The following TTN variants were observed in gnomAD, a reference collection of about 807,000 sequenced individuals.
TTN encodes connectin.
A neutral mutation model predicts 3,223.0 loss-of-function variants in TTN; 1,525 were observed. That is an observed-to-expected ratio of 0.47 (90% CI 0.45 to 0.49). The LOEUF (loss-of-function observed/expected upper bound fraction) is 0.49. Among genes scored for constraint, TTN ranks in the 20% least tolerant of loss-of-function variants. The probability of loss-of-function intolerance (pLI) is 0.00; values close to 1 mark genes in which losing one functional copy is unlikely to be tolerated. For missense variants in TTN, 40,786 were observed against 43,424.0 expected, an observed-to-expected ratio of 0.94 and a Z score of 5.40; for synonymous variants, 14,094 against 15,161.0, an observed-to-expected ratio of 0.93 and a Z score of 5.17.
intron 50 of TTN, 137 bp downstream of exon 50, chr2:178,735,374 C>A (rs2081271611): frequency 1.1e-6 from 1 of 910,456 alleles, no homozygotes. Context: ...AATGCCAGGA[C>A]TTTCCCAAAC....
rs773190186 is a variant in TTN at position 178,730,711 on chromosome 2, A to G, written c.17822T>C (p.Ile5941Thr). 10 of 1,613,522 alleles carry G rather than the reference A, an allele frequency of 6.2e-6. No individual in the cohort carries two copies. Among genetic ancestry groups the G allele is most frequent in the Admixed American group, 5.0e-5 (3 of 59,972 alleles). Residue 5941 changes from isoleucine (I) to threonine (T), a missense_variant, in exon 61 of 363, where the codon ATA (isoleucine) becomes ACA (threonine). By Grantham distance (89) the Ile-to-Thr change is moderately conservative. Transcript: ENST00000589042. Reference sequence around the variant, plus strand: ...GCTTATGGGATGTGACCCAGCCACTATACATTCTAAATCAATGAAAGAACC... The same window carrying G: ...GCTTATGGGATGTGACCCAGCCACTGTACATTCTAAATCAATGAAAGAACC... ...IKGSFIDLECIVAGSHPISIQ... is the reference protein window; with the variant it reads ...IKGSFIDLECTVAGSHPISIQ...
intron 127 of TTN, 123 bp downstream of exon 127, chr2:178,687,988 G>C: frequency 1.4e-6 from 1 of 694,160 alleles, no homozygotes; most frequent in East Asian, 2.6e-5. Context: ...TAATGAGACT[G>C]GTAGATGTTC....
rs377577258 is a variant in TTN at position 178,785,845 on chromosome 2, C to T, written c.2370+3G>A. 1 of 1,613,994 alleles carries T rather than the reference C, an allele frequency of 6.2e-7. No homozygotes were observed. The highest frequency in any genetic ancestry group is 8.5e-7 in the Non-Finnish European group (1 of 1,180,008). On this transcript the variant is annotated splice_donor_region_variant and intron_variant, in intron 14 of 362. Transcript: ENST00000589042. The stretch of plus-strand genomic sequence containing the variant: ...GGTGAAAAATCAGCAGGTATAGACT[C>T]ACCTGTGATGATATGTGCATTCCCT...
At chr2:178,692,682 GAAT>G in intron 119 of TTN, 102 bp from the exon 120 acceptor site, 1 of 811,496 alleles carries the variant, frequency 1.2e-6, no homozygotes, top group Middle Eastern at 2.4e-4. Flanking sequence ...TATACCAACT[GAAT>G]GCAAGAAAAT....
Position 178,650,850 on chromosome 2 carries a change from T to A in TTN, c.39626-16A>T. 6.3e-7 allele frequency: 1 copy of A among 1,584,058 alleles called. No homozygotes were observed. The highest frequency in any genetic ancestry group is 2.3e-5 in the East Asian group (1 of 43,548). ...ACTTCTGGCACTTTAAAGATATTAA[T>A]TCATTTTTCTTATGAGTAGTTGAGA... is the stretch of plus-strand genomic sequence containing the variant. On this transcript the variant is annotated splice_polypyrimidine_tract_variant and intron_variant, in intron 208 of 362. Coordinates refer to ENST00000589042, the MANE Select transcript of TTN (RefSeq NM_001267550.2).
rs2061020721 is a variant in TTN, at chr2:178,640,028, T to C, written c.40786+20A>G. On this transcript the variant is annotated intron_variant, in intron 222 of 362. Coordinates refer to ENST00000589042, the MANE Select transcript of TTN (RefSeq NM_001267550.2). The stretch of plus-strand genomic sequence containing the variant: ...ATACAGAAAGAATATGCTGTTGACA[T>C]TGAGGATAAGCTTGCTCACCTGCTT... 2.5e-6 allele frequency: 4 copies of C among 1,611,314 alleles called. No homozygotes were observed. The highest frequency in any genetic ancestry group is 4.5e-5 in the East Asian group (2 of 44,788).
intron 219 of TTN, 96 bp downstream of exon 219, chr2:178,642,141 T>A: frequency 1.9e-6 from 2 of 1,054,640 alleles, no homozygotes; most frequent in Non-Finnish European, 2.6e-6. Flanking sequence ...AGCGAACCAA[T>A]TCAAAGAAAA....
In TTN at chr2:178,736,052, G is replaced by A; in HGVS notation, c.14394C>T (p.Leu4798=). 6.3e-7 allele frequency: 1 copy of A among 1,592,608 alleles called. No homozygotes were observed. Among genetic ancestry groups the A allele is most frequent in the Non-Finnish European group, 8.6e-7 (1 of 1,169,160 alleles). Residue 4798 remains leucine (L), a synonymous_variant, in exon 50 of 363, where the codon CTC becomes CTT. Coordinates refer to ENST00000589042, the MANE Select transcript of TTN (RefSeq NM_001267550.2). ...AAGTTGTAAGGGACTTAGGTCTGGA[G>A]AGAAAGGTTGGTGGATATGCCTCTG... ...TVTEAYPPTF[L]SRPKSLTTFV... is the part of the protein sequence containing the mutation.
intron 46 of TTN, chr2:178,753,476 A>G (rs1426850154): frequency 4.1e-6 from 1 of 243,572 alleles, no homozygotes; most frequent in Admixed American, 5.3e-5. Flanking sequence ...AAACCGAAGG[A>G]ATATTATTTT....
intron 127 of TTN, among the ~76,000 whole-genome samples, chr2:178,686,380 A>G (rs1485670945): frequency 1.3e-5 from 2 of 151,566 alleles, no homozygotes; most frequent in East Asian, 1.9e-4. Flanking sequence ...TCGGCCTCCC[A>G]AAGTGCTGGG....
intron 112 of TTN, among the ~76,000 whole-genome samples, chr2:178,698,245 G>T (rs1378562388): frequency 2.0e-5 from 3 of 149,514 alleles, no homozygotes; most frequent in Non-Finnish European, 2.9e-5. Flanking sequence ...GAGGGAATGG[G>T]GAAATGTTGG....
chr2:178,539,094 G>A lies in TTN; in HGVS notation c.98841C>T (p.His32947=). The change falls in exon 353 of 363, where the codon CAC becomes CAT. Residue 32947 remains histidine (H), a synonymous_variant. Transcript: ENST00000589042. ...TTGTGGTGGTGATCTGAGTCTTGTT[G>A]TGTCTGACCCACTTGTCAGTGGATG... ...KETSTDKWVR[H]NKTQITTTMY... is the part of the protein sequence containing the mutation. 1.2e-6 allele frequency: 2 copies of A among 1,613,794 alleles called. No individual in the cohort carries two copies. Among genetic ancestry groups the A allele is most frequent in the South Asian group, 1.1e-5 (1 of 91,082 alleles).
At chr2:178,682,653 T>A in intron 135 of TTN, 44 bp downstream of exon 135, 1 of 1,503,416 alleles carries the variant, frequency 6.7e-7, no homozygotes, top group Non-Finnish European at 9.0e-7. Context: ...TGTTTGAGTG[T>A]GCACATATTT....
chr2:178,652,233 A>G, intron 203 of TTN, 31 bp downstream of exon 203: 2 of 1,613,102 alleles, frequency 1.2e-6, no homozygotes, highest in Non-Finnish European at 1.7e-6. Flanking sequence ...CAAACAAACA[A>G]TATCAAACAC....
rs1211690126 is a variant in TTN, at chr2:178,712,966, G to A, written c.27059C>T (p.Ser9020Phe). The change falls in exon 94 of 363, where the codon TCT becomes TTT. Residue 9020 changes from serine to phenylalanine, a missense_variant. Ser to Phe is a radical substitution (Grantham distance 155). Coordinates refer to ENST00000589042, the MANE Select transcript of TTN (RefSeq NM_001267550.2). The part of the protein sequence containing the change: ...SAPLTVREPP[S>F]FVQKPDPMDV... ...CATGGGATCAGGTTTCTGAACAAAA[G>A]ATGGTGGTTCTAAACACAAAAGCAC... 1 of 1,612,282 alleles carries A rather than the reference G, an allele frequency of 6.2e-7. No homozygotes were observed. Among genetic ancestry groups the A allele is most frequent in the Non-Finnish European group, 8.5e-7 (1 of 1,178,872 alleles).
intron 330 of TTN, 175 bp downstream of exon 330, chr2:178,556,673 G>T: frequency 2.9e-6 from 2 of 687,532 alleles, no homozygotes; most frequent in Non-Finnish European, 2.4e-6. Flanking sequence ...AAGTCAAGAG[G>T]GCTGGAAAGG....
In TTN at chr2:178,617,883, A is replaced by G. The variant is rs1245351032; in HGVS notation, c.47468T>C (p.Val15823Ala). 2 of 1,612,536 alleles carry G rather than the reference A, an allele frequency of 1.2e-6. No individual in the cohort carries two copies. The highest frequency in any genetic ancestry group is 2.7e-5 in the African/African-American group (2 of 74,788). ...AEDLSATVTD[V>A]VEGQEYSFRV... Reference sequence around the variant, plus strand: ...GAAACTGTACTCCTGTCCTTCTACCACATCAGTAACAGTTGCAGACAGGTC... The same window carrying G: ...GAAACTGTACTCCTGTCCTTCTACCGCATCAGTAACAGTTGCAGACAGGTC... The change falls in exon 253 of 363, where the codon GTG becomes GCG. Residue 15823 changes from valine (V) to alanine (A), a missense_variant. By Grantham distance (64) the Val-to-Ala change is moderately conservative. Transcript: ENST00000589042.
rs771999960 is a variant in TTN at position 178,585,133 on chromosome 2, G to A, written c.64611C>T (p.Tyr21537=). The change falls in exon 309 of 363, where the codon TAC becomes TAT. Residue 21537 remains tyrosine, a synonymous_variant. Transcript: ENST00000589042. ...CAGAACTGTTCTCTGCTGTGAGGCT[G>A]TAGTAACCACTGTCTTTCCTAGTCA... ...KDVTRKDSGY[Y]SLTAENSSGT... 1.2e-6 allele frequency: 2 copies of A among 1,613,236 alleles called. No individual in the cohort carries two copies. Among genetic ancestry groups the A allele is most frequent in the South Asian group, 2.2e-5 (2 of 91,010 alleles).
rs893573349 is a variant in TTN, at chr2:178,806,787, C to T, written c.-14+425G>A. Among the ~76,000 whole-genome samples, 6 of 152,154 alleles carry T rather than the reference C, an allele frequency of 3.9e-5. No homozygotes were observed. In the South Asian group the frequency reaches 1.2e-3, roughly 32 times the overall value. ...CAACTGATACCTCAGCAGTTGATTC[C>T]CTTAAAAAGTCATCAGGGTGTAGCT... is the stretch of plus-strand genomic sequence containing the variant. On this transcript the variant is annotated intron_variant, in intron 1 of 362. Transcript: ENST00000589042.
Sources: gnomAD v4.1 joint callset for allele counts (sites outside exome capture counted in the v4.1 genomes callset) on GRCh38, gnomAD v4.1.1 for gene constraint, MANE v1.5 for transcripts, NCBI Gene and HGNC (gene_info 2026-07-23, HGNC 2026-07-21) for gene names.